The following FBN1 variants were observed in gnomAD, a reference collection of about 807,000 sequenced individuals.
The protein encoded by FBN1 is fibrillin-1.
FBN1 carries 29 observed loss-of-function variants against 365.1 expected under a neutral mutation model. That is an observed-to-expected ratio of 0.08 (90% CI 0.06 to 0.11). The LOEUF is 0.11. FBN1 is among the 10% of genes least tolerant of loss of function. The probability of loss-of-function intolerance (pLI) is 1.00; values close to 1 mark genes in which losing one functional copy is unlikely to be tolerated. For synonymous variants in FBN1, 1,210 were observed against 1,270.5 expected (o/e 0.95, Z 1.01); for missense variants, 2,476 against 3,703.2 (o/e 0.67, Z 8.60).
chr15:48,412,453 G>A, intron 65 of FBN1, 116 bp downstream of exon 65: 1 of 1,049,868 alleles, frequency 9.5e-7, no homozygotes, highest in South Asian at 1.3e-5. Flanking sequence ...GGGAATGTCT[G>A]GAGTTTCTCC....
intron 6 of FBN1, among the ~76,000 whole-genome samples, chr15:48,595,849 C>A (rs1477521715): frequency 6.6e-6 from 1 of 152,150 alleles, no homozygotes; most frequent in Admixed American, 6.5e-5. Flanking sequence ...ACCTCTACAG[C>A]CCCCAACAGG....
At chr15:48,633,412 G>C (rs1890025319) in intron 2 of FBN1, among the ~76,000 whole-genome samples, 1 of 152,170 alleles carries the variant, frequency 6.6e-6, no homozygotes, top group Non-Finnish European at 1.5e-5. Flanking sequence ...GTTGATCCCA[G>C]GTCATTTGAC....
At chr15:48,639,345 CAACATATAGTGCTTAGT>C (rs1412012164) in intron 2 of FBN1, among the ~76,000 whole-genome samples, 1 of 152,166 alleles carries the variant, frequency 6.6e-6, no homozygotes, top group Non-Finnish European at 1.5e-5. Context: ...CAGTGCTTAG[CAACATATAGTGCTTAGT>C]AACATATAGA....
At chr15:48,467,811 C>T (rs1194443918) in intron 38 of FBN1, 127 bp downstream of exon 38, 24 of 871,274 alleles carry the variant, frequency 2.8e-5, no homozygotes, top group African/African-American at 6.6e-5. Context: ...GAATAAGGTC[C>T]CCTCTACAGG....
Position 48,441,861 on chromosome 15 carries a change from T to C in FBN1, c.6038-15A>G, listed in dbSNP as rs774279350. The C allele has an allele frequency of 6.2e-7, 1 of 1,612,382 alleles. No individual in the cohort carries two copies. The highest frequency in any genetic ancestry group is 1.7e-5 in the Admixed American group (1 of 59,906). ...CTCATCAATATCTAAAAGAATCACA[T>C]GAGTCAAACAAAGTCAAAACACGAT... On this transcript the variant is annotated splice_polypyrimidine_tract_variant and intron_variant, in intron 49 of 65. Transcript: ENST00000316623.
chr15:48,486,332 G>A (rs1450991928), intron 29 of FBN1, among the ~76,000 whole-genome samples: 1 of 152,084 alleles, frequency 6.6e-6, no homozygotes, highest in Non-Finnish European at 1.5e-5. Context: ...TTATGGTTTT[G>A]GGTGGAAACC....
At chr15:48,425,284 G>A (rs2042970312) in intron 60 of FBN1, 85 bp downstream of exon 60, 11 of 1,584,526 alleles carry the variant, frequency 6.9e-6, no homozygotes, top group South Asian at 1.1e-5. Flanking sequence ...CAGGTCTTTC[G>A]GCTTGCCTGT....
intron 44 of FBN1, among the ~76,000 whole-genome samples, chr15:48,453,790 A>G (rs895996690): frequency 1.1e-4 from 16 of 152,104 alleles, no homozygotes; most frequent in African/African-American, 3.4e-4. Flanking sequence ...CTTCTTCTCA[A>G]TATCGCTGTG....
intron 4 of FBN1, among the ~76,000 whole-genome samples, chr15:48,605,788 T>G (rs2044603048): frequency 6.6e-6 from 1 of 152,086 alleles, no homozygotes; most frequent in African/African-American, 2.4e-5. Context: ...GGTGGGAGGA[T>G]AACTTGAGCC....
intron 8 of FBN1, among the ~76,000 whole-genome samples, chr15:48,533,698 C>A (rs2043990639): frequency 6.6e-6 from 1 of 152,112 alleles, no homozygotes; most frequent in South Asian, 2.1e-4. Flanking sequence ...TACCTTTTAA[C>A]TAGAAAAACT....
At position 48,411,165 on chromosome 15, in the gene FBN1, T is replaced by C. The variant is rs1597506745; in HGVS notation, c.8441A>G (p.Tyr2814Cys). The change falls in exon 66 of 66, where the codon TAC becomes TGC. Residue 2814 changes from tyrosine to cysteine, a missense_variant. Tyr to Cys is a radical substitution (Grantham distance 194). Coordinates refer to ENST00000316623, the MANE Select transcript of FBN1 (RefSeq NM_000138.5). ...TGGCTTCTTCTTTGTGAAGTGGAGGTAGCTGATCCCTTCCTTTTGGTTGAT... is the reference window on the plus strand; with the variant it reads ...TGGCTTCTTCTTTGTGAAGTGGAGGCAGCTGATCCCTTCCTTTTGGTTGAT... ...FKINQKEGIS[Y>C]LHFTKKKPVA... The C allele has an allele frequency of 2.5e-6, 4 of 1,614,108 alleles. No homozygotes were observed. Among genetic ancestry groups the C allele is most frequent in the Non-Finnish European group, 3.4e-6 (4 of 1,179,972 alleles).
chr15:48,607,526 A>AC (rs2044623712), intron 4 of FBN1, among the ~76,000 whole-genome samples: 1 of 116,450 alleles, frequency 8.6e-6, no homozygotes, highest in African/African-American at 6.4e-5. Flanking sequence ...TAGTATCCTT[A>AC]TAAAAAAAAA....
At position 48,441,771 on chromosome 15, in the gene FBN1, C is replaced by T. The variant is rs363804; in HGVS notation, c.6113G>A (p.Cys2038Tyr). The T allele has an allele frequency of 6.2e-7, 1 of 1,613,650 alleles. No homozygotes were observed. The highest frequency in any genetic ancestry group is 1.7e-5 in the Admixed American group (1 of 59,968). Reference sequence around the variant, plus strand: ...CAAGGAAAACCCTTCTGGACACAGACATTTGAAGCTGCCTTCAGTGTTACT... The same window carrying T: ...CAAGGAAAACCCTTCTGGACACAGATATTTGAAGCTGCCTTCAGTGTTACT... ...TCSNTEGSFK[C>Y]LCPEGFSLSS... Residue 2038 changes from cysteine to tyrosine, a missense_variant, in exon 50 of 66, where the codon TGT (cysteine) becomes TAT (tyrosine). Transcript: ENST00000316623.
Position 48,610,087 on chromosome 15 carries a change from G to A in FBN1, c.346+641C>T, listed in dbSNP as rs536526018. On this transcript the variant is annotated intron_variant, in intron 4 of 65. Transcript: ENST00000316623. ...TTTGAGGGGCTGTTTATACAAACAA[G>A]AACTTCAGCTTTTTAAACAACCAAT... Among the ~76,000 whole-genome samples, 13 of 152,256 alleles carry A rather than the reference G, an allele frequency of 8.5e-5. No individual in the cohort carries two copies. The South Asian group carries it at 1.9e-3, about 22-fold the overall frequency.
intron 6 of FBN1, among the ~76,000 whole-genome samples, chr15:48,579,501 C>T (rs768186072): frequency 1.2e-4 from 18 of 152,138 alleles, no homozygotes; most frequent in Non-Finnish European, 2.5e-4. Flanking sequence ...ACATTTTCAT[C>T]TTTTAGAAAG....
intron 2 of FBN1, among the ~76,000 whole-genome samples, chr15:48,631,163 AATC>A (rs1333432960): frequency 1.3e-5 from 2 of 152,216 alleles, no homozygotes; most frequent in Non-Finnish European, 2.9e-5. Context: ...TCAAAATGGA[AATC>A]ATTAAGAGAA....
chr15:48,439,401 C>G (rs1053955428), intron 50 of FBN1, among the ~76,000 whole-genome samples: 2 of 152,188 alleles, frequency 1.3e-5, no homozygotes, highest in African/African-American at 4.8e-5. Context: ...TCTCTGCCAC[C>G]CAAATGTTTG....
intron 8 of FBN1, among the ~76,000 whole-genome samples, chr15:48,530,130 C>A (rs1459167858): frequency 1.6e-5 from 2 of 123,370 alleles, no homozygotes; most frequent in Non-Finnish European, 3.6e-5. Context: ...GCATCCGCCG[C>A]ATCACAACTT....
chr15:48,465,880 T>C (rs776903481), intron 38 of FBN1, 22 bp from the exon 39 acceptor site: 13 of 1,547,334 alleles, frequency 8.4e-6, no homozygotes, highest in Non-Finnish European at 1.2e-5. Flanking sequence ...AAAATTCAAA[T>C]TGAGTTGTTT....
Sources: allele counts gnomAD v4.1 joint callset (sites outside exome capture counted in the v4.1 genomes callset), GRCh38; gene constraint gnomAD v4.1.1; transcripts MANE v1.5; gene names NCBI Gene and HGNC (gene_info 2026-07-23, HGNC 2026-07-21).